The following TNRC6B variants were observed in gnomAD, a reference collection of about 807,000 sequenced individuals.
The protein encoded by TNRC6B is trinucleotide repeat-containing gene 6B protein.
A neutral mutation model predicts 203.6 loss-of-function variants in TNRC6B; 52 were observed. The ratio of observed to expected loss-of-function variants is 0.26; its 90% CI spans 0.20 to 0.32. TNRC6B has a LOEUF of 0.32. Among genes scored for constraint, TNRC6B ranks in the 10% least tolerant of loss-of-function variants. The pLI, the probability that TNRC6B is intolerant of heterozygous loss-of-function variation, is 1.00. For synonymous variants in TNRC6B, 838 were observed against 845.7 expected (o/e 0.99, Z 0.16); for missense variants, 1,923 against 2,286.2 (o/e 0.84, Z 3.24).
intron 1 of TNRC6B, among the ~76,000 whole-genome samples, chr22:40,073,646 G>C (rs2067975457): frequency 1.3e-5 from 2 of 152,174 alleles, no homozygotes; most frequent in Admixed American, 1.3e-4. Context: ...AGGCACAGTG[G>C]CTCACAGCTG....
At position 40,329,101 on chromosome 22, in the gene TNRC6B, C is replaced by T. The variant is rs560904746; in HGVS notation, c.*5860C>T. On this transcript the variant is annotated 3_prime_UTR_variant, in exon 23 of 23. Coordinates refer to ENST00000454349, the MANE Select transcript of TNRC6B (RefSeq NM_001162501.2). ...CCTCCTGTGAGTGGACAACTAAAGC[C>T]GCGTGATGATGCGGATGAAAATATT... The T allele has an allele frequency of 4.6e-5, 7 of 152,254 alleles. No individual in the cohort carries two copies. The highest frequency in any genetic ancestry group is 4.1e-4 in the South Asian group (2 of 4,824). The allele number at this position is 152,254 out of a possible 1,614,324, so 9.4% of individuals were successfully genotyped here.
chr22:40,092,995 T>C (rs2068161526), intron 1 of TNRC6B, among the ~76,000 whole-genome samples: 1 of 152,200 alleles, frequency 6.6e-6, no homozygotes, highest in Non-Finnish European at 1.5e-5. Flanking sequence ...ACTATAGAGG[T>C]ATTTGACTAG....
Position 40,048,456 on chromosome 22 carries a change from G to A in TNRC6B, c.-121+3458G>A, listed in dbSNP as rs183938110. On this transcript the variant is annotated intron_variant, in intron 1 of 23. Transcript: ENST00000301923. ...CTCGGGAGCCTGACGCAGGAGAATT[G>A]CTTGAACCAAGGAGGCGGAGGCTGC... Among the ~76,000 whole-genome samples, 5 of 151,604 alleles carry A rather than the reference G, an allele frequency of 3.3e-5. No individual in the cohort carries two copies. The East Asian group carries it at 9.7e-4, about 30-fold the overall frequency.
At position 40,326,792 on chromosome 22, in the gene TNRC6B, G is replaced by A. The variant is rs2071408382; in HGVS notation, c.*3551G>A. ...AATTTTAAATATAGGCATTACTAGAGGAAAATTATCTATGGACTGTCCTAT... is the reference window on the plus strand; with the variant it reads ...AATTTTAAATATAGGCATTACTAGAAGAAAATTATCTATGGACTGTCCTAT... On this transcript the variant is annotated 3_prime_UTR_variant, in exon 23 of 23. Coordinates refer to ENST00000454349, the MANE Select transcript of TNRC6B (RefSeq NM_001162501.2). The A allele has an allele frequency of 6.6e-6, 1 of 152,558 alleles. No homozygotes were observed. The highest frequency in any genetic ancestry group is 6.5e-5 in the Admixed American group (1 of 15,268). 9.5% of individuals were successfully genotyped at this position (152,558 alleles called of 1,614,324 possible).
At position 40,265,644 on chromosome 22, in the gene TNRC6B, T is replaced by G. The variant is rs1407391347; in HGVS notation, c.1414T>G (p.Ser472Ala). ...VQKSTGSKNDSWDNNNRSTGG... is the reference protein window; with the variant it reads ...VQKSTGSKNDAWDNNNRSTGG... ...GAAATCAACTGGGTCAAAAAATGAC[T>G]CTTGGGACAACAATAACAGGTCTAC... is the stretch of plus-strand genomic sequence containing the variant. The change falls in exon 5 of 23, where the codon TCT becomes GCT. Residue 472 changes from serine to alanine, a missense_variant. By Grantham distance (99) the Ser-to-Ala change is moderately conservative (BLOSUM62 1). Coordinates refer to ENST00000454349, the MANE Select transcript of TNRC6B (RefSeq NM_001162501.2). The G allele has an allele frequency of 6.2e-7, 1 of 1,613,738 alleles. No individual in the cohort carries two copies. Among genetic ancestry groups the G allele is most frequent in the Non-Finnish European group, 8.5e-7 (1 of 1,179,844 alleles).
chr22:40,175,081 G>A (rs978446486), upstream of TNRC6B, among the ~76,000 whole-genome samples: 3 of 152,014 alleles, frequency 2.0e-5, no homozygotes, highest in African/African-American at 4.8e-5. Flanking sequence ...TTCAGTGGCC[G>A]GGCGCAGTGC....
At chr22:40,181,752 C>A (rs1295557594) in intron 1 of TNRC6B, among the ~76,000 whole-genome samples, 1 of 151,876 alleles carries the variant, frequency 6.6e-6, no homozygotes, top group African/African-American at 2.4e-5. Flanking sequence ...CCAGCCTGGG[C>A]AACATGGCAA....
chr22:40,304,932 C>T (rs188241280), intron 15 of TNRC6B, among the ~76,000 whole-genome samples: 2 of 152,100 alleles, frequency 1.3e-5, no homozygotes, highest in East Asian at 3.9e-4. Context: ...TTAGGATGGC[C>T]AATTATGGGT....
rs1287921392 is a variant in TNRC6B at position 40,281,857 on chromosome 22, GGGGTT to G, written c.3582+571_3582+575del. 3.9e-5 allele frequency among the ~76,000 whole-genome samples: 6 copies of G among 152,324 alleles called. No homozygotes were observed. In the East Asian group the frequency reaches 7.7e-4, roughly 20 times the overall value. On this transcript the variant is annotated intron_variant, in intron 11 of 22. Coordinates refer to ENST00000454349, the MANE Select transcript of TNRC6B (RefSeq NM_001162501.2). ...GACACAGCAGTGTTTCATTGCACCTGGGGTTGGATCTGGCAACCCTCCAGGGAAGG... is the reference window on the plus strand; with the variant it reads ...GACACAGCAGTGTTTCATTGCACCTGGGATCTGGCAACCCTCCAGGGAAGG...
intron 1 of TNRC6B, among the ~76,000 whole-genome samples, chr22:40,108,221 G>T (rs2068303432): frequency 6.6e-6 from 1 of 152,146 alleles, no homozygotes; most frequent in African/African-American, 2.4e-5. Context: ...AGGAAAACCT[G>T]ACGTGGCCTC....
rs749845371 is a variant in TNRC6B, at chr22:40,326,838, A to G, written c.*3597A>G. The G allele has an allele frequency of 1.3e-5, 2 of 152,610 alleles. No homozygotes were observed. The highest frequency in any genetic ancestry group is 2.9e-5 in the Non-Finnish European group (2 of 68,036). The allele number at this position is 152,610 out of a possible 1,614,324, so 9.5% of individuals were successfully genotyped here. A position where few individuals can be genotyped will look rare whatever the true frequency, so the allele number is the denominator to read the frequency against. Reference sequence around the variant, plus strand: ...CCTATTAATGAAGAATGTCTGTCTTACCTCCGTTTGTTTTGGGAGGAGGAG... The same window carrying G: ...CCTATTAATGAAGAATGTCTGTCTTGCCTCCGTTTGTTTTGGGAGGAGGAG... On this transcript the variant is annotated 3_prime_UTR_variant, in exon 23 of 23. Transcript: ENST00000454349.
chr22:40,259,521 C>T lies in TNRC6B; in HGVS notation c.116-2311C>T, dbSNP rs563417702. On this transcript the variant is annotated intron_variant, in intron 3 of 22. Coordinates refer to ENST00000454349, the MANE Select transcript of TNRC6B (RefSeq NM_001162501.2). ...ACAGGCGTGAGCCATCGCGCCTGGC[C>T]GACTAATTTTATTTTCTTAAGTCAC... 4.6e-5 allele frequency among the ~76,000 whole-genome samples: 7 copies of T among 152,294 alleles called. No individual in the cohort carries two copies. The East Asian group carries it at 7.7e-4, about 17-fold the overall frequency.
chr22:40,335,404 C>A lies in TNRC6B; in HGVS notation c.*12163C>A, dbSNP rs2044022005. ...TAAAATGTTAAACTCTACTAATGTA[C>A]AAATAAGCTGAAAAGTTGCATTTTA... is the stretch of plus-strand genomic sequence containing the variant. On this transcript the variant is annotated 3_prime_UTR_variant, in exon 23 of 23. Coordinates refer to ENST00000454349, the MANE Select transcript of TNRC6B (RefSeq NM_001162501.2). 6.8e-6 allele frequency: 1 copy of A among 146,456 alleles called. No homozygotes were observed. Among genetic ancestry groups the A allele is most frequent in the Admixed American group, 6.9e-5 (1 of 14,510 alleles). The allele number at this position is 146,456 out of a possible 1,614,324, so 9.1% of individuals were successfully genotyped here.
intron 4 of TNRC6B, among the ~76,000 whole-genome samples, chr22:40,263,091 C>G (rs1481750099): frequency 1.3e-5 from 2 of 150,462 alleles, no homozygotes; most frequent in Non-Finnish European, 3.0e-5. Flanking sequence ...AATACTAAGT[C>G]AACTAACAGC....
intron 1 of TNRC6B, 116 bp from the exon 2 acceptor site, chr22:40,245,899 A>G (rs1020680811): frequency 1.1e-5 from 7 of 631,250 alleles, no homozygotes; most frequent in African/African-American, 7.6e-5. Context: ...ACTGTGTTCT[A>G]TTCAGTCACA....
chr22:40,299,681 G>A (rs2070996269), intron 12 of TNRC6B, among the ~76,000 whole-genome samples: 1 of 152,190 alleles, frequency 6.6e-6, no homozygotes, highest in South Asian at 2.1e-4. Context: ...CAGCCTCTAG[G>A]ACTAAATTCT....
intron 1 of TNRC6B, among the ~76,000 whole-genome samples, chr22:40,050,847 CAG>C (rs1234206229): frequency 6.1e-5 from 9 of 148,460 alleles, no homozygotes; most frequent in African/African-American, 2.0e-4. Flanking sequence ...TTTTTTGAGA[CAG>C]AGTCTCGCTC....
At chr22:40,299,615 C>G (rs1208189532) in intron 12 of TNRC6B, among the ~76,000 whole-genome samples, 1 of 152,096 alleles carries the variant, frequency 6.6e-6, no homozygotes, top group Non-Finnish European at 1.5e-5. Context: ...TCTCAATCTC[C>G]TAGGCACAAG....
chr22:40,241,150 G>A (rs946046947), intron 1 of TNRC6B, among the ~76,000 whole-genome samples: 25 of 152,092 alleles, frequency 1.6e-4, no homozygotes, highest in African/African-American at 5.8e-4. Flanking sequence ...AAACAATCTC[G>A]AACTTACAGA....
Sources: allele counts gnomAD v4.1 joint callset (sites outside exome capture counted in the v4.1 genomes callset), GRCh38; gene constraint gnomAD v4.1.1; transcripts MANE v1.5; gene names NCBI Gene and HGNC (gene_info 2026-07-23, HGNC 2026-07-21).